Variants in ATP8A1 observed in about 807,000 individuals in gnomAD.
The protein encoded by ATP8A1 is ATPase phospholipid transporting 8A1.
Under a neutral mutation model 177.7 loss-of-function variants are expected in ATP8A1, and 90 were observed. The ratio of observed to expected loss-of-function variants is 0.51; its 90% CI spans 0.43 to 0.60. The LOEUF is 0.60. Ranked by LOEUF, ATP8A1 falls within the 20% of genes least tolerant of loss-of-function variation. The pLI is 0.00. For synonymous variants in ATP8A1, 493 were observed against 485.9 expected (o/e 1.01, Z -0.19); for missense variants, 1,072 against 1,392.8 (o/e 0.77, Z 3.67).
intron 24 of ATP8A1, among the ~76,000 whole-genome samples, chr4:42,487,809 G>T (rs1030372754): frequency 6.6e-6 from 1 of 152,128 alleles, no homozygotes; most frequent in Non-Finnish European, 1.5e-5. Flanking sequence ...GAACCAAGTT[G>T]TACTATAAAG....
chr4:42,649,954 G>A (rs937820745), intron 1 of ATP8A1, among the ~76,000 whole-genome samples: 5 of 152,164 alleles, frequency 3.3e-5, no homozygotes, highest in Admixed American at 6.5e-5. Flanking sequence ...ACTACCCGGA[G>A]AATACAATCA....
intron 7 of ATP8A1, 168 bp from the exon 8 acceptor site, chr4:42,588,497 C>G: frequency 1.8e-6 from 1 of 545,548 alleles, no homozygotes; most frequent in Admixed American, 3.6e-5. Flanking sequence ...GAGGCAGAAC[C>G]CATGCATGAC....
intron 8 of ATP8A1, among the ~76,000 whole-genome samples, chr4:42,587,049 T>C (rs1254717250): frequency 2.6e-5 from 4 of 152,130 alleles, no homozygotes; most frequent in African/African-American, 9.7e-5. Flanking sequence ...TCATCATTCA[T>C]CTAGAAACCA....
At chr4:42,519,899 G>A (rs1480831586) in intron 22 of ATP8A1, among the ~76,000 whole-genome samples, 1 of 152,110 alleles carries the variant, frequency 6.6e-6, no homozygotes, top group East Asian at 1.9e-4. Flanking sequence ...TAGTTTACAT[G>A]GATGCATATA....
intron 22 of ATP8A1, among the ~76,000 whole-genome samples, chr4:42,521,552 C>G (rs925377045): frequency 6.6e-6 from 1 of 152,094 alleles, no homozygotes; most frequent in Non-Finnish European, 1.5e-5. Flanking sequence ...GGCTTAATAG[C>G]CTTGGTTTCT....
chr4:42,555,240 G>A (rs1488930018), intron 16 of ATP8A1, among the ~76,000 whole-genome samples: 2 of 150,188 alleles, frequency 1.3e-5, no homozygotes, highest in African/African-American at 4.9e-5. Context: ...AATACAGTCA[G>A]TAACTTCATA....
intron 35 of ATP8A1, among the ~76,000 whole-genome samples, chr4:42,415,468 A>AAC (rs5857842): frequency 0.32 from 48,215 of 151,880 alleles, 8,012 homozygotes; most frequent in Middle Eastern, 0.45. Flanking sequence ...CTTCCCATAA[A>AAC]AGTGTCTCAC....
intron 1 of ATP8A1, among the ~76,000 whole-genome samples, chr4:42,654,440 C>T (rs904367921): frequency 1.2e-4 from 18 of 152,104 alleles, no homozygotes; most frequent in African/African-American, 4.3e-4. Flanking sequence ...TATTTTAATG[C>T]TACTTGGGAA....
intron 13 of ATP8A1, among the ~76,000 whole-genome samples, chr4:42,575,282 G>A (rs941670109): frequency 6.6e-6 from 1 of 152,162 alleles, no homozygotes; most frequent in African/African-American, 2.4e-5. Flanking sequence ...CTTCGTTGAT[G>A]AACTTTTCCT....
intron 36 of ATP8A1, among the ~76,000 whole-genome samples, chr4:42,413,747 C>A (rs555802611): frequency 3.9e-5 from 6 of 152,150 alleles, no homozygotes; most frequent in African/African-American, 1.4e-4. Flanking sequence ...TGACTCACAG[C>A]GGGCTGAATC....
At chr4:42,472,724 C>T (rs1720571791) in intron 25 of ATP8A1, among the ~76,000 whole-genome samples, 1 of 134,508 alleles carries the variant, frequency 7.4e-6, no homozygotes, top group Non-Finnish European at 1.5e-5. Flanking sequence ...CACTCCAGCT[C>T]AGGTGACAGT....
chr4:42,555,147 T>TA (rs1263894630), intron 16 of ATP8A1, among the ~76,000 whole-genome samples: 184 of 74,260 alleles, frequency 2.5e-3, no homozygotes, highest in South Asian at 8.0e-3. Flanking sequence ...CTAATCTATC[T>TA]ATCTATCTAT....
At chr4:42,635,014 C>A (rs936430313) in intron 1 of ATP8A1, among the ~76,000 whole-genome samples, 1 of 152,110 alleles carries the variant, frequency 6.6e-6, no homozygotes, top group Non-Finnish European at 1.5e-5. Context: ...ATACTTGATA[C>A]GGGAAAACTA....
At chr4:42,633,622 TC>T (rs1467825042) in intron 1 of ATP8A1, among the ~76,000 whole-genome samples, 3 of 152,220 alleles carry the variant, frequency 2.0e-5, no homozygotes, top group African/African-American at 7.2e-5. Flanking sequence ...GACAGAAGTC[TC>T]TGTGCTTAAG....
intron 1 of ATP8A1, among the ~76,000 whole-genome samples, chr4:42,636,158 GCACACACACACA>G (rs1354247463): frequency 1.3e-4 from 3 of 23,726 alleles, no homozygotes; most frequent in African/African-American, 2.2e-4. Flanking sequence ...ACACACACAC[GCACACACACACA>G]CATAAGCTTC....
Position 42,590,891 on chromosome 4 carries a change from G to A in ATP8A1, c.451-7C>T, listed in dbSNP as rs760236737. ...CTATCTCCCCTACTGCCACCTACAC[G>A]TCCCAGTATAAAATAATTAAAATGG... On this transcript the variant is annotated splice_polypyrimidine_tract_variant and splice_region_variant and intron_variant, in intron 6 of 36. Transcript: ENST00000381668. The A allele has an allele frequency of 9.4e-6, 15 of 1,598,386 alleles. No individual in the cohort carries two copies. The highest frequency in any genetic ancestry group is 8.4e-5 in the African/African-American group (6 of 71,514).
chr4:42,517,068 A>AG (rs370632250), intron 22 of ATP8A1, among the ~76,000 whole-genome samples: 112 of 152,110 alleles, frequency 7.4e-4, no homozygotes, highest in Admixed American at 2.4e-3. Flanking sequence ...TGGGAGGCCA[A>AG]GGGGGGGTGG....
chr4:42,639,748 G>T (rs919407243), intron 1 of ATP8A1, among the ~76,000 whole-genome samples: 2 of 152,118 alleles, frequency 1.3e-5, no homozygotes, highest in Admixed American at 1.3e-4. Context: ...AATGAGAGAG[G>T]AACTAAAAGA....
At chr4:42,552,464 A>T (rs778900524) in intron 17 of ATP8A1, 41 bp downstream of exon 17, 1 of 1,498,782 alleles carries the variant, frequency 6.7e-7, no homozygotes, top group East Asian at 2.3e-5. Context: ...ATTCAGAACA[A>T]TTTTCCACAA....
Sources: allele counts gnomAD v4.1 joint callset (sites outside exome capture counted in the v4.1 genomes callset), GRCh38; gene constraint gnomAD v4.1.1; transcripts MANE v1.5; gene names NCBI Gene and HGNC (gene_info 2026-07-23, HGNC 2026-07-21).